Variants in PCDH15 observed in about 807,000 individuals in gnomAD.
PCDH15 encodes the protein protocadherin related 15, also known as protocadherin-15.
Under a neutral mutation model 178.5 loss-of-function variants are expected in PCDH15, and 129 were observed. The ratio of observed to expected loss-of-function variants is 0.72; its 90% CI spans 0.63 to 0.84. The LOEUF is 0.84. Among genes scored for constraint, PCDH15 ranks in the 40% least tolerant of loss-of-function variants. The pLI is 0.00. For synonymous variants in PCDH15, 800 were observed against 732.0 expected (o/e 1.09, Z -1.50); for missense variants, 2,230 against 2,099.9 (o/e 1.06, Z -1.21).
chr10:53,842,878 G>GC (rs1009077984), intron 28 of PCDH15, among the ~76,000 whole-genome samples: 1 of 152,118 alleles, frequency 6.6e-6, no homozygotes, highest in Non-Finnish European at 1.5e-5. Context: ...AACAATTTAT[G>GC]CCTTCTCCAG....
intron 2 of PCDH15, among the ~76,000 whole-genome samples, chr10:54,567,488 AT>A (rs1388343469): frequency 6.6e-6 from 1 of 152,126 alleles, no homozygotes; most frequent in Non-Finnish European, 1.5e-5. Flanking sequence ...ATCATTTCAC[AT>A]TTTTTATCAA....
intron 1 of PCDH15, among the ~76,000 whole-genome samples, chr10:54,709,625 T>C (rs1033267267): frequency 6.9e-6 from 1 of 144,568 alleles, no homozygotes; most frequent in Non-Finnish European, 1.5e-5. Context: ...TATATATATA[T>C]ATAAAATCAC....
chr10:54,287,628 G>A (rs1214117597), intron 8 of PCDH15, among the ~76,000 whole-genome samples: 2 of 151,932 alleles, frequency 1.3e-5, no homozygotes, highest in East Asian at 3.9e-4. Flanking sequence ...TCGTTCTAAG[G>A]CTCTTTATGA....
intron 2 of PCDH15, among the ~76,000 whole-genome samples, chr10:55,157,615 C>G (rs1204528370): frequency 6.6e-6 from 1 of 151,582 alleles, no homozygotes; most frequent in Admixed American, 6.6e-5. Context: ...CCATGGAATA[C>G]TATGTAGCCA....
intron 27 of PCDH15, among the ~76,000 whole-genome samples, chr10:53,860,955 G>A (rs2079068004): frequency 6.6e-6 from 1 of 152,020 alleles, no homozygotes; most frequent in Non-Finnish European, 1.5e-5. Context: ...ACCGGGAGTA[G>A]TTGTCCCACA....
At chr10:54,889,065 C>A (rs1409233584) in intron 3 of PCDH15, among the ~76,000 whole-genome samples, 3 of 151,676 alleles carry the variant, frequency 2.0e-5, no homozygotes, top group Non-Finnish European at 4.4e-5. Flanking sequence ...AGGCCAAAAC[C>A]AAGTTATGTG....
In PCDH15 at chr10:53,822,889, C is replaced by T. The variant is rs876657563; in HGVS notation, c.4368-2659G>A. ...CTACCTCTTTTGTTTGTACAGATTC[C>T]AGTGTTTTCATTTTCAGCTTTCTGC... On this transcript the variant is annotated intron_variant, in intron 32 of 37. Coordinates refer to ENST00000644397, the MANE Select transcript of PCDH15 (RefSeq NM_001384140.1). 6.2e-6 allele frequency: 10 copies of T among 1,613,828 alleles called. No homozygotes were observed. In the African/African-American group the frequency reaches 1.2e-4, roughly 19 times the overall value.
chr10:55,198,210 C>G (rs146976166), intron 1 of PCDH15, among the ~76,000 whole-genome samples: 1 of 152,082 alleles, frequency 6.6e-6, no homozygotes, highest in Non-Finnish European at 1.5e-5. Context: ...CTATTATTCA[C>G]TCTCAGTTTA....
At chr10:55,540,480 T>C (rs761209031) in intron 2 of PCDH15, among the ~76,000 whole-genome samples, 1 of 152,022 alleles carries the variant, frequency 6.6e-6, no homozygotes, top group Non-Finnish European at 1.5e-5. Flanking sequence ...GTTTTCCTAT[T>C]GCATAAAATC....
chr10:54,147,407 T>C lies in PCDH15; in HGVS notation c.1784+5693A>G, dbSNP rs534023802. On this transcript the variant is annotated intron_variant, in intron 14 of 37. Transcript: ENST00000644397. ...TGGCACTTTGTTTTCTGGCGTGGAATACAATTTTACTTAAGTAAAAAACAT... is the reference window on the plus strand; with the variant it reads ...TGGCACTTTGTTTTCTGGCGTGGAACACAATTTTACTTAAGTAAAAAACAT... Among the ~76,000 whole-genome samples, 3 of 151,884 alleles carry C rather than the reference T, an allele frequency of 2.0e-5. No individual in the cohort carries two copies. In the South Asian group the frequency reaches 6.2e-4, roughly 31 times the overall value.
intron 2 of PCDH15, among the ~76,000 whole-genome samples, chr10:54,946,191 G>T (rs1243557374): frequency 2.0e-5 from 3 of 151,822 alleles, no homozygotes; most frequent in African/African-American, 7.2e-5. Flanking sequence ...CAAAAACTGT[G>T]ATATGAGTGG....
intron 2 of PCDH15, among the ~76,000 whole-genome samples, chr10:54,954,090 T>C (rs1251752243): frequency 6.6e-6 from 1 of 151,270 alleles, no homozygotes; most frequent in Non-Finnish European, 1.5e-5. Flanking sequence ...ACTAACACTG[T>C]CTTGTTAGTT....
At chr10:55,496,021 G>A (rs1378626441) in intron 2 of PCDH15, among the ~76,000 whole-genome samples, 1 of 151,984 alleles carries the variant, frequency 6.6e-6, no homozygotes, top group East Asian at 2.0e-4. Context: ...GGGGTAGGGT[G>A]AGGTTCAAAG....
intron 2 of PCDH15, among the ~76,000 whole-genome samples, chr10:55,079,601 A>T (rs1461860407): frequency 6.6e-6 from 1 of 152,142 alleles, no homozygotes; most frequent in Non-Finnish European, 1.5e-5. Context: ...CTCAGATGCC[A>T]GTAGTGACAA....
At chr10:54,303,707 A>C (rs1306987023) in intron 8 of PCDH15, among the ~76,000 whole-genome samples, 1 of 152,176 alleles carries the variant, frequency 6.6e-6, no homozygotes, top group African/African-American at 2.4e-5. Flanking sequence ...TAACCTAAGT[A>C]TACAGTCCAA....
chr10:54,409,365 T>C (rs2135596267), intron 3 of PCDH15, among the ~76,000 whole-genome samples: 1 of 152,304 alleles, frequency 6.6e-6, no homozygotes, highest in African/African-American at 2.4e-5. Flanking sequence ...GAACTATTTA[T>C]GCCACTTAAT....
chr10:54,079,722 T>C (rs1221959657), intron 16 of PCDH15, among the ~76,000 whole-genome samples: 7 of 152,120 alleles, frequency 4.6e-5, no homozygotes, highest in Non-Finnish European at 1.0e-4. Flanking sequence ...ATCTATCTTG[T>C]TTTCGATTAT....
chr10:54,888,983 T>G (rs1002941547), intron 3 of PCDH15, among the ~76,000 whole-genome samples: 1 of 151,806 alleles, frequency 6.6e-6, no homozygotes, highest in Non-Finnish European at 1.5e-5. Context: ...TTCCATGAGG[T>G]GCATTTGACA....
At chr10:54,062,156 G>A (rs555446888) in intron 18 of PCDH15, among the ~76,000 whole-genome samples, 1 of 145,060 alleles carries the variant, frequency 6.9e-6, no homozygotes, top group African/African-American at 2.6e-5. Context: ...CTGGGCGGCA[G>A]AGGTTGCAGT....
Sources: gnomAD v4.1 joint callset for allele counts (sites outside exome capture counted in the v4.1 genomes callset) on GRCh38, gnomAD v4.1.1 for gene constraint, MANE v1.5 for transcripts, NCBI Gene and HGNC (gene_info 2026-07-23, HGNC 2026-07-21) for gene names.